Variants in ATP6V1C2 observed in about 807,000 individuals in gnomAD.
ATP6V1C2 encodes the protein V-type proton ATPase subunit C 2.
In ATP6V1C2, 45 loss-of-function variants were observed where a neutral mutation model predicts 56.8. The observed-to-expected ratio is 0.79, with a 90% CI of 0.62 to 1.02. The LOEUF (loss-of-function observed/expected upper bound fraction) is 1.02. Ranked by LOEUF, ATP6V1C2 falls within the 50% of genes least tolerant of loss-of-function variation. The probability of loss-of-function intolerance (pLI) is 0.00; values close to 1 mark genes in which losing one functional copy is unlikely to be tolerated. For missense variants in ATP6V1C2, 463 were observed against 519.7 expected (o/e 0.89, Z 1.06); for synonymous variants, 220 against 201.3 (o/e 1.09, Z -0.79).
At chr2:10,779,103 G>A (rs1336704231) in intron 12 of ATP6V1C2, among the ~76,000 whole-genome samples, 1 of 140,272 alleles carries the variant, frequency 7.1e-6, no homozygotes, top group Non-Finnish European at 1.5e-5. Context: ...AGCTTATTTT[G>A]CCTTTTTTTT....
chr2:10,773,461 C>T (rs1664760832), intron 8 of ATP6V1C2, among the ~76,000 whole-genome samples: 1 of 152,192 alleles, frequency 6.6e-6, no homozygotes, highest in South Asian at 2.1e-4. Context: ...CAGCTCACTG[C>T]AACCTCCGCC....
chr2:10,779,746 G>A (rs901297075), intron 12 of ATP6V1C2, among the ~76,000 whole-genome samples: 2 of 151,326 alleles, frequency 1.3e-5, no homozygotes, highest in East Asian at 1.9e-4. Flanking sequence ...GGTAAGCAGA[G>A]TGAGTAAAAA....
At chr2:10,760,443 C>T (rs1206718214) in intron 4 of ATP6V1C2, among the ~76,000 whole-genome samples, 2 of 152,024 alleles carry the variant, frequency 1.3e-5, no homozygotes, top group East Asian at 1.9e-4. Flanking sequence ...AGGCAGGGTG[C>T]GTGGACAGGG....
intron 3 of ATP6V1C2, among the ~76,000 whole-genome samples, chr2:10,745,204 T>G (rs1211141714): frequency 8.7e-5 from 13 of 148,736 alleles, no homozygotes; most frequent in Non-Finnish European, 1.5e-5. Flanking sequence ...CCCAGCTAAT[T>G]TTTTTGTATT....
chr2:10,764,338 A>G lies in ATP6V1C2; in HGVS notation c.291A>G (p.Leu97=), dbSNP rs1558413315. The G allele has an allele frequency of 6.2e-7, 1 of 1,612,996 alleles. No homozygotes were observed. The highest frequency in any genetic ancestry group is 8.5e-7 in the Non-Finnish European group (1 of 1,178,952). The part of the protein sequence containing the change: ...QEHLLANGVD[L]TSFVTHFEWD... ...GTGTTTGTATTCTTCCAGTTGACTT[A>G]ACATCCTTTGTGACCCACTTTGAAT... The change falls in exon 5 of 14, where the codon TTA becomes TTG. Residue 97 remains leucine, a synonymous_variant. Transcript: ENST00000272238.
chr2:10,737,130 G>T (rs1662292642), intron 3 of ATP6V1C2, among the ~76,000 whole-genome samples: 1 of 151,770 alleles, frequency 6.6e-6, no homozygotes, highest in South Asian at 2.1e-4. Flanking sequence ...AATGAATTAA[G>T]TTGGCCAGGT....
chr2:10,773,795 G>C (rs938995829), intron 8 of ATP6V1C2, among the ~76,000 whole-genome samples: 6 of 152,230 alleles, frequency 3.9e-5, no homozygotes, highest in East Asian at 1.9e-4. Flanking sequence ...CCCACACACA[G>C]AACTCCCGGT....
At position 10,782,224 on chromosome 2, in the gene ATP6V1C2, A is replaced by G; in HGVS notation, c.1062-19A>G. On this transcript the variant is annotated intron_variant, in intron 12 of 13. Coordinates refer to ENST00000272238, the MANE Select transcript of ATP6V1C2 (RefSeq NM_001039362.2). ...TGCATTTGGAGCAGTGAACTGACAC[A>G]TTTTGTCTATCTGAAAAGGTATGGA... 1 of 1,613,540 alleles carries G rather than the reference A, an allele frequency of 6.2e-7. No individual in the cohort carries two copies. Among genetic ancestry groups the G allele is most frequent in the Non-Finnish European group, 8.5e-7 (1 of 1,179,764 alleles).
At chr2:10,745,044 T>A (rs922043426) in intron 3 of ATP6V1C2, among the ~76,000 whole-genome samples, 12 of 146,226 alleles carry the variant, frequency 8.2e-5, no homozygotes, top group Non-Finnish European at 1.5e-5. Flanking sequence ...TTATTTTCTT[T>A]TTTTTTTTTT....
chr2:10,756,206 A>C (rs1663544050), intron 4 of ATP6V1C2, among the ~76,000 whole-genome samples: 1 of 151,840 alleles, frequency 6.6e-6, no homozygotes, highest in African/African-American at 2.4e-5. Context: ...AAAATACAGA[A>C]AAAATTAGCT....
chr2:10,784,609 G>A lies in ATP6V1C2; in HGVS notation c.*1346G>A. ...GTGGGACACAACAGTACAGAAATAAGTGCTAATTTCAAAGCTATCATTTTC... is the reference window on the plus strand; with the variant it reads ...GTGGGACACAACAGTACAGAAATAAATGCTAATTTCAAAGCTATCATTTTC... On this transcript the variant is annotated 3_prime_UTR_variant, in exon 14 of 14. Transcript: ENST00000272238. The A allele has an allele frequency of 2.0e-6, 1 of 509,804 alleles. No individual in the cohort carries two copies. Among genetic ancestry groups the A allele is most frequent in the Non-Finnish European group, 3.4e-6 (1 of 291,042 alleles). The allele number at this position is 509,804 out of a possible 1,614,324, so 31.6% of individuals were successfully genotyped here. A position where few individuals can be genotyped will look rare whatever the true frequency, so the allele number is the denominator to read the frequency against.
At chr2:10,736,725 T>C (rs1220460027) in intron 3 of ATP6V1C2, among the ~76,000 whole-genome samples, 1 of 151,872 alleles carries the variant, frequency 6.6e-6, no homozygotes, top group East Asian at 1.9e-4. Context: ...CTAACAGCAA[T>C]GAAGTTTTCT....
Position 10,764,462 on chromosome 2 carries a change from G to A in ATP6V1C2, c.378+37G>A, listed in dbSNP as rs1466555601. On this transcript the variant is annotated intron_variant, in intron 5 of 13. Coordinates refer to ENST00000272238, the MANE Select transcript of ATP6V1C2 (RefSeq NM_001039362.2). The stretch of plus-strand genomic sequence containing the variant: ...GACTGCTCTGGGGAACAGCTGACTG[G>A]TGGGTCAGGCGGGCAAGAGCCTGGG... 2.5e-6 allele frequency: 4 copies of A among 1,585,986 alleles called. No individual in the cohort carries two copies. In the East Asian group the frequency reaches 6.7e-5, roughly 27 times the overall value.
chr2:10,757,575 A>G, intron 4 of ATP6V1C2: 1 of 397,490 alleles, frequency 2.5e-6, no homozygotes, highest in African/African-American at 2.1e-5. Flanking sequence ...TTTCTCAAGT[A>G]ACAACCTTGT....
intron 5 of ATP6V1C2, among the ~76,000 whole-genome samples, chr2:10,765,296 A>T (rs967037335): frequency 6.6e-6 from 1 of 152,184 alleles, no homozygotes; most frequent in African/African-American, 2.4e-5. Flanking sequence ...ACTTCTCTGT[A>T]TCATCACTGA....
intron 6 of ATP6V1C2, among the ~76,000 whole-genome samples, 168 bp downstream of exon 6, chr2:10,768,978 G>T (rs1359717727): frequency 2.6e-5 from 4 of 152,208 alleles, no homozygotes; most frequent in Non-Finnish European, 4.4e-5. Context: ...TGCTGGGAGA[G>T]GAGGAAAGGG....
chr2:10,760,033 T>TG (rs888687883), intron 4 of ATP6V1C2, among the ~76,000 whole-genome samples: 10 of 150,598 alleles, frequency 6.6e-5, no homozygotes, highest in Non-Finnish European at 7.4e-5. Context: ...GTTTTTTGTT[T>TG]TTTTTTTTTT....
chr2:10,742,785 G>A (rs1376687147), intron 3 of ATP6V1C2, among the ~76,000 whole-genome samples: 1 of 152,254 alleles, frequency 6.6e-6, no homozygotes, highest in South Asian at 2.1e-4. Flanking sequence ...AGGTGCCCCC[G>A]TAGTGTTTGT....
chr2:10,722,133 G>T (rs1028738491), intron 1 of ATP6V1C2, among the ~76,000 whole-genome samples: 2 of 152,148 alleles, frequency 1.3e-5, no homozygotes, highest in Non-Finnish European at 2.9e-5. Context: ...AGGGGGAAAG[G>T]TGCGGGTGTG....
Sources: gnomAD v4.1 joint callset for allele counts (sites outside exome capture counted in the v4.1 genomes callset) on GRCh38, gnomAD v4.1.1 for gene constraint, MANE v1.5 for transcripts, NCBI Gene and HGNC (gene_info 2026-07-23, HGNC 2026-07-21) for gene names.